EPHB2: variants seen among roughly 807,000 people sequenced by gnomAD.
The protein encoded by EPHB2 is EPH receptor B2.
In EPHB2, 18 loss-of-function variants were observed where a neutral mutation model predicts 96.4. The ratio of observed to expected loss-of-function variants is 0.19; its 90% CI spans 0.13 to 0.28. EPHB2 has a LOEUF of 0.28. Ranked by LOEUF, EPHB2 falls within the 10% of genes least tolerant of loss-of-function variation. EPHB2 has a pLI of 1.00. For missense variants in EPHB2, 989 were observed against 1,355.4 expected (o/e 0.73, Z 4.25); for synonymous variants, 506 against 534.1 (o/e 0.95, Z 0.72).
intron 1 of EPHB2, among the ~76,000 whole-genome samples, chr1:22,759,944 C>T (rs1282543901): frequency 2.0e-5 from 3 of 152,128 alleles, no homozygotes; most frequent in Non-Finnish European, 4.4e-5. Context: ...CAAGAACCTG[C>T]CCCGGATCCC....
intron 1 of EPHB2, among the ~76,000 whole-genome samples, chr1:22,746,867 T>C (rs1313401036): frequency 6.6e-6 from 1 of 151,668 alleles, no homozygotes; most frequent in East Asian, 2.0e-4. Context: ...TCCTGACCTG[T>C]GACCCCCCGG....
Position 22,918,289 on chromosome 1 carries a change from G to A in EPHB2, c.*4719G>A, listed in dbSNP as rs1160373429. On this transcript the variant is annotated 3_prime_UTR_variant, in exon 16 of 16. Transcript: ENST00000374630. The surrounding 1 kb of genome is among the most constrained non-coding windows in gnomAD (Gnocchi z 4.2). ...GCTTGGAACAGCAGGGTTGGGTCTT[G>A]TGCTACCTGATTCTTAATTTGGCTG... The A allele has an allele frequency of 2.0e-5, 3 of 152,156 alleles. No homozygotes were observed. The highest frequency in any genetic ancestry group is 4.8e-5 in the African/African-American group (2 of 41,426). The allele number at this position is 152,156 out of a possible 1,614,324, so 9.4% of individuals were successfully genotyped here.
intron 1 of EPHB2, among the ~76,000 whole-genome samples, chr1:22,766,475 T>G (rs771042390): frequency 1.3e-5 from 2 of 152,190 alleles, no homozygotes; most frequent in Non-Finnish European, 2.9e-5. Context: ...GGGGCAATGA[T>G]GATTGTGGTA....
chr1:22,851,346 C>T (rs1219556885), intron 3 of EPHB2, among the ~76,000 whole-genome samples: 7 of 152,156 alleles, frequency 4.6e-5, no homozygotes, highest in African/African-American at 1.2e-4. Flanking sequence ...GGCCTTTGGG[C>T]GACATGAGCT....
chr1:22,738,306 A>G (rs188941862), intron 1 of EPHB2, among the ~76,000 whole-genome samples: 1 of 152,270 alleles, frequency 6.6e-6, no homozygotes, highest in African/African-American at 2.4e-5. Flanking sequence ...TTCCAAAGCC[A>G]GGAGTGCCCA....
In EPHB2 at chr1:22,901,196, T is replaced by C. The variant is rs535216424; in HGVS notation, c.1765+4718T>C. The stretch of plus-strand genomic sequence containing the variant: ...AGCTCTTCTTTGCAACAGTTTACAA[T>C]TATTCAGCACTTTCCTTTTGCCAAC... On this transcript the variant is annotated intron_variant, in intron 9 of 15. Transcript: ENST00000374630. Among the ~76,000 whole-genome samples, 16 of 152,342 alleles carry C rather than the reference T, an allele frequency of 1.1e-4. No homozygotes were observed. In the South Asian group the frequency reaches 2.7e-3, roughly 26 times the overall value.
chr1:22,739,325 C>T (rs1042961846), intron 1 of EPHB2, among the ~76,000 whole-genome samples: 7 of 152,144 alleles, frequency 4.6e-5, no homozygotes, highest in African/African-American at 1.2e-4. Context: ...AAGCGATTCT[C>T]GTGCCTTAGA....
chr1:22,853,128 A>T (rs1270778827), intron 3 of EPHB2, among the ~76,000 whole-genome samples: 1 of 152,212 alleles, frequency 6.6e-6, no homozygotes, highest in Non-Finnish European at 1.5e-5. Flanking sequence ...AGGCGGGCAG[A>T]TCACGAGGTC....
chr1:22,828,527 C>G (rs1053994162), intron 3 of EPHB2, among the ~76,000 whole-genome samples: 2 of 152,046 alleles, frequency 1.3e-5, no homozygotes, highest in Non-Finnish European at 1.5e-5. Context: ...GGAGACCTTT[C>G]GGAGAGAACT....
At chr1:22,727,198 G>T (rs964872369) in intron 1 of EPHB2, among the ~76,000 whole-genome samples, 1 of 152,246 alleles carries the variant, frequency 6.6e-6, no homozygotes, top group Non-Finnish European at 1.5e-5. Context: ...TGGAGGCCAG[G>T]AGGGGCTATA....
Position 22,759,320 on chromosome 1 carries a change from G to C in EPHB2, c.62-22101G>C, listed in dbSNP as rs539638442. 3.9e-5 allele frequency among the ~76,000 whole-genome samples: 6 copies of C among 152,130 alleles called. No individual in the cohort carries two copies. In the South Asian group the frequency reaches 1.3e-3, roughly 32 times the overall value. On this transcript the variant is annotated intron_variant, in intron 1 of 15. Coordinates refer to ENST00000374630, the MANE Select transcript of EPHB2 (RefSeq NM_017449.5). ...TCACCTGTTTCCTTTATACTGCTCA[G>C]GTGCTCCCTGTGTACTTCTCAATTC... is the stretch of plus-strand genomic sequence containing the variant.
At chr1:22,718,651 G>T (rs1570143194) in intron 1 of EPHB2, among the ~76,000 whole-genome samples, 1 of 152,098 alleles carries the variant, frequency 6.6e-6, no homozygotes, top group South Asian at 2.1e-4. Context: ...GCCTCCCAAA[G>T]TGCTGGGATT....
chr1:22,778,866 A>G (rs991552986), intron 1 of EPHB2, among the ~76,000 whole-genome samples: 10 of 152,212 alleles, frequency 6.6e-5, no homozygotes, highest in African/African-American at 9.6e-5. Flanking sequence ...CTTGAGCCCA[A>G]GTTTCCACCC....
intron 3 of EPHB2, among the ~76,000 whole-genome samples, chr1:22,791,351 T>C (rs1376588575): frequency 6.6e-6 from 1 of 152,006 alleles, no homozygotes; most frequent in Non-Finnish European, 1.5e-5. Context: ...TGAAACAAAC[T>C]GGTATAGGTT....
chr1:22,874,157 A>T (rs1638764350), intron 5 of EPHB2, among the ~76,000 whole-genome samples: 1 of 152,218 alleles, frequency 6.6e-6, no homozygotes. Context: ...GAATCTGAGC[A>T]GCCCAGACAG....
At chr1:22,774,564 G>A (rs756623896) in intron 1 of EPHB2, 25 of 985,194 alleles carry the variant, frequency 2.5e-5, no homozygotes, top group Non-Finnish European at 2.7e-5. Flanking sequence ...TGTTCAGGGA[G>A]GTAAAGTGAC....
chr1:22,760,995 G>C (rs1489822047), intron 1 of EPHB2, among the ~76,000 whole-genome samples: 2 of 152,190 alleles, frequency 1.3e-5, no homozygotes, highest in African/African-American at 4.8e-5. Flanking sequence ...GCCAGGTGAT[G>C]CCAGCTGTCT....
Position 22,829,054 on chromosome 1 carries a change from G to A in EPHB2, c.812-33983G>A, listed in dbSNP as rs139739619. Among the ~76,000 whole-genome samples the A allele has an allele frequency of 3.1e-3, 465 of 152,244 alleles. 5 individuals are homozygous for A. The highest frequency in any genetic ancestry group is 0.01 in the African/African-American group (433 of 41,578). On this transcript the variant is annotated intron_variant, in intron 3 of 15. Transcript: ENST00000374630. ...GTGGAATATTCAATATTCAGGTGCCGTAGTGTCACATCAAGAATTAGAGAT... is the reference window on the plus strand; with the variant it reads ...GTGGAATATTCAATATTCAGGTGCCATAGTGTCACATCAAGAATTAGAGAT...
chr1:22,907,744 G>A (rs543656309), intron 11 of EPHB2, among the ~76,000 whole-genome samples: 80 of 152,188 alleles, frequency 5.3e-4, no homozygotes, highest in Admixed American at 1.1e-3. Flanking sequence ...CAAACCAAGC[G>A]TGTCTGCTTC....
Sources: allele counts gnomAD v4.1 joint callset (sites outside exome capture counted in the v4.1 genomes callset), GRCh38; gene constraint gnomAD v4.1.1; non-coding constraint Gnocchi (gnomAD v3.1); transcripts MANE v1.5; gene names NCBI Gene and HGNC (gene_info 2026-07-23, HGNC 2026-07-21).